Variants in SLC30A9 observed in about 807,000 individuals in gnomAD.
The protein encoded by SLC30A9 is proton-coupled zinc antiporter SLC30A9, mitochondrial.
In SLC30A9, 58 loss-of-function variants were observed where a neutral mutation model predicts 87.5. The observed-to-expected ratio is 0.66, with a 90% CI of 0.54 to 0.82. The LOEUF (loss-of-function observed/expected upper bound fraction) is 0.82, where lower values mean the gene tolerates loss of function less well. SLC30A9 is among the 40% of genes least tolerant of loss of function. The pLI, the probability that SLC30A9 is intolerant of heterozygous loss-of-function variation, is 0.00. For synonymous variants in SLC30A9, 234 were observed against 233.0 expected (o/e 1.00, Z -0.04); for missense variants, 557 against 679.1 (o/e 0.82, Z 2.00).
intron 6 of SLC30A9, among the ~76,000 whole-genome samples, chr4:42,026,722 TTTC>T (rs145311991): frequency 0.63 from 91,452 of 145,560 alleles, 32,548 homozygotes; most frequent in East Asian, 0.96. Context: ...CCTTTTTTTT[TTTC>T]TTTTCATCTT....
chr4:42,082,795 C>T (rs1718789097), intron 17 of SLC30A9, among the ~76,000 whole-genome samples: 1 of 151,348 alleles, frequency 6.6e-6, no homozygotes, highest in Non-Finnish European at 1.5e-5. Flanking sequence ...TTGCAGTGAG[C>T]CGAGATTGTG....
At chr4:42,035,241 T>C (rs575005200) in intron 6 of SLC30A9, 34 bp from the exon 7 acceptor site, 3 of 1,569,382 alleles carry the variant, frequency 1.9e-6, no homozygotes, top group South Asian at 1.1e-5. Context: ...GGTAAGAATA[T>C]CTATGACCTA....
intron 12 of SLC30A9, 119 bp downstream of exon 12, chr4:42,065,468 C>A: frequency 1.5e-6 from 1 of 664,916 alleles, no homozygotes; most frequent in Non-Finnish European, 2.7e-6. Context: ...GAATAGGCAT[C>A]TAAGCTTTCT....
At chr4:42,038,439 C>T (rs895927156) in intron 7 of SLC30A9, among the ~76,000 whole-genome samples, 3 of 152,084 alleles carry the variant, frequency 2.0e-5, no homozygotes, top group African/African-American at 7.2e-5. Flanking sequence ...TGAGTTTTTT[C>T]TCTATTCATC....
At chr4:42,018,985 C>A (rs1172002687) in intron 3 of SLC30A9, among the ~76,000 whole-genome samples, 2 of 149,562 alleles carry the variant, frequency 1.3e-5, no homozygotes, top group African/African-American at 4.9e-5. Flanking sequence ...GAAACTCACG[C>A]AAAAAAAAAA....
At chr4:42,011,093 C>T (rs1338004563) in intron 2 of SLC30A9, among the ~76,000 whole-genome samples, 2 of 152,102 alleles carry the variant, frequency 1.3e-5, no homozygotes, top group Non-Finnish European at 2.9e-5. Context: ...AGTCCATTTT[C>T]ATGCTGCTAT....
chr4:42,050,610 G>A (rs1291304751), intron 9 of SLC30A9, among the ~76,000 whole-genome samples: 3 of 152,168 alleles, frequency 2.0e-5, no homozygotes, highest in African/African-American at 4.8e-5. Context: ...TGATAACCAT[G>A]ATAAATTGAG....
At chr4:42,019,931 T>A (rs1399168886) in intron 3 of SLC30A9, among the ~76,000 whole-genome samples, 1 of 152,046 alleles carries the variant, frequency 6.6e-6, no homozygotes, top group Non-Finnish European at 1.5e-5. Context: ...GAAGCTGGGA[T>A]TACAGGCACC....
In SLC30A9 at chr4:42,025,933, G is replaced by A. The variant is rs182384760; in HGVS notation, c.610+2549G>A. 1.6e-4 allele frequency among the ~76,000 whole-genome samples: 24 copies of A among 152,108 alleles called. No individual in the cohort carries two copies. The East Asian group carries it at 4.4e-3, about 28-fold the overall frequency. ...CTCCCAAAGTGCTGGGATTACAGGC[G>A]TGAGCCACCGCACCTGGCGATTATC... On this transcript the variant is annotated intron_variant, in intron 6 of 17. Transcript: ENST00000264451.
intron 6 of SLC30A9, among the ~76,000 whole-genome samples, chr4:42,033,485 T>G (rs1054404321): frequency 1.3e-5 from 2 of 152,084 alleles, no homozygotes; most frequent in South Asian, 4.1e-4. Context: ...TACCAAAAAT[T>G]TAAAAATAAA....
chr4:42,042,515 C>A (rs1716964424), intron 8 of SLC30A9, among the ~76,000 whole-genome samples: 1 of 152,194 alleles, frequency 6.6e-6, no homozygotes, highest in South Asian at 2.1e-4. Context: ...GCCAGACTGC[C>A]TCTCTAGATT....
chr4:42,060,288 T>C (rs988879611), intron 10 of SLC30A9, 42 bp downstream of exon 10: 2 of 1,439,836 alleles, frequency 1.4e-6, no homozygotes, highest in Non-Finnish European at 2.0e-6. Flanking sequence ...GTTTTGGCGA[T>C]AAGTCATTGA....
chr4:42,033,928 T>C (rs1438425945), intron 6 of SLC30A9, among the ~76,000 whole-genome samples: 1 of 152,222 alleles, frequency 6.6e-6, no homozygotes, highest in Non-Finnish European at 1.5e-5. Context: ...TAGCGGTAAA[T>C]AGAGACATTT....
chr4:42,045,388 C>T (rs1717105992), intron 8 of SLC30A9, among the ~76,000 whole-genome samples: 1 of 152,086 alleles, frequency 6.6e-6, no homozygotes, highest in Admixed American at 6.5e-5. Flanking sequence ...GATGTCACCA[C>T]TGATCCCACA....
chr4:42,033,340 A>G (rs1015551298), intron 6 of SLC30A9, among the ~76,000 whole-genome samples: 2 of 151,614 alleles, frequency 1.3e-5, no homozygotes, highest in Admixed American at 6.6e-5. Context: ...TTTAATACTT[A>G]AAATATAAGA....
chr4:42,007,911 C>A (rs1715283729), intron 2 of SLC30A9, among the ~76,000 whole-genome samples: 1 of 152,210 alleles, frequency 6.6e-6, no homozygotes, highest in South Asian at 2.1e-4. Context: ...CAAGTGTGGT[C>A]TTTTTAAAAA....
Position 42,059,584 on chromosome 4 carries a change from T to A in SLC30A9, c.841-607T>A, listed in dbSNP as rs185519253. Among the ~76,000 whole-genome samples, 7 of 110,808 alleles carry A rather than the reference T, an allele frequency of 6.3e-5. No homozygotes were observed. In the East Asian group the frequency reaches 1.4e-3, roughly 23 times the overall value. 72.7% of individuals were successfully genotyped at this position (110,808 alleles called of 152,430 possible). A position where few individuals can be genotyped will look rare whatever the true frequency, so the allele number is the denominator to read the frequency against. ...TAGAAATGTGTGTGCCCATACACAATATATATATATTGTTTAAAGTTGTTA... is the reference window on the plus strand; with the variant it reads ...TAGAAATGTGTGTGCCCATACACAAAATATATATATTGTTTAAAGTTGTTA... On this transcript the variant is annotated intron_variant, in intron 9 of 17. Transcript: ENST00000264451.
At chr4:42,066,674 T>C in intron 13 of SLC30A9, 53 bp downstream of exon 13, 1 of 1,180,072 alleles carries the variant, frequency 8.5e-7, no homozygotes, top group Non-Finnish European at 1.3e-6. Context: ...TTGCTTAAAA[T>C]TACTTAGTAC....
At chr4:42,018,824 CAATT>C (rs570001618) in intron 3 of SLC30A9, among the ~76,000 whole-genome samples, 2 of 152,198 alleles carry the variant, frequency 1.3e-5, no homozygotes, top group South Asian at 4.1e-4. Context: ...ACATGGTAGA[CAATT>C]AATAACAATT....
Sources: gnomAD v4.1 joint callset for allele counts (sites outside exome capture counted in the v4.1 genomes callset) on GRCh38, gnomAD v4.1.1 for gene constraint, MANE v1.5 for transcripts, NCBI Gene and HGNC (gene_info 2026-07-23, HGNC 2026-07-21) for gene names.